CTNNA3: variants seen among roughly 807,000 people sequenced by gnomAD.
The protein encoded by CTNNA3 is catenin alpha-3.
CTNNA3 carries 76 observed loss-of-function variants against 95.7 expected under a neutral mutation model. The ratio of observed to expected loss-of-function variants is 0.79; its 90% CI spans 0.66 to 0.96. CTNNA3 has a LOEUF of 0.96. Ranked by LOEUF, CTNNA3 falls within the 40% of genes least tolerant of loss-of-function variation. CTNNA3 has a pLI of 0.00. For synonymous variants in CTNNA3, 431 were observed against 374.4 expected, an observed-to-expected ratio of 1.15 and a Z score of -1.74; for missense variants, 1,191 against 1,089.8, an observed-to-expected ratio of 1.09 and a Z score of -1.31.
intron 3 of CTNNA3, among the ~76,000 whole-genome samples, chr10:67,570,735 T>C (rs919831557): frequency 1.2e-4 from 19 of 152,192 alleles, no homozygotes; most frequent in Non-Finnish European, 2.2e-4. Flanking sequence ...TTTGACATAG[T>C]TGATTATTTT....
At position 67,152,388 on chromosome 10, in the gene CTNNA3, A is replaced by T. The variant is rs2394325; in HGVS notation, c.1047+27929T>A. Reference sequence around the variant, plus strand: ...GACCTAAAAATTATGTGCCCGTTACACTGGGAGAAAGATAACACCATTGAT... The same window carrying T: ...GACCTAAAAATTATGTGCCCGTTACTCTGGGAGAAAGATAACACCATTGAT... On this transcript the variant is annotated intron_variant, in intron 7 of 17. Coordinates refer to ENST00000433211, the MANE Select transcript of CTNNA3 (RefSeq NM_013266.4). 0.01 allele frequency among the ~76,000 whole-genome samples: 1,524 copies of T among 152,344 alleles called. 72 individuals carry two copies. The East Asian group carries it at 0.14, about 14-fold the overall frequency.
At chr10:65,930,292 A>T (rs1445937452) in intron 17 of CTNNA3, among the ~76,000 whole-genome samples, 1 of 152,072 alleles carries the variant, frequency 6.6e-6, no homozygotes, top group Admixed American at 6.6e-5. Flanking sequence ...TAGGCAACGG[A>T]AAAACTAAGA....
At chr10:67,562,944 A>T (rs1186035961) in intron 3 of CTNNA3, among the ~76,000 whole-genome samples, 1 of 152,140 alleles carries the variant, frequency 6.6e-6, no homozygotes, top group Non-Finnish European at 1.5e-5. Flanking sequence ...GATGTGAAGG[A>T]TCTCTTCAAG....
At chr10:67,207,196 A>G (rs1863941491) in intron 6 of CTNNA3, among the ~76,000 whole-genome samples, 1 of 152,180 alleles carries the variant, frequency 6.6e-6, no homozygotes, top group South Asian at 2.1e-4. Flanking sequence ...ATGGAAATCA[A>G]TTCCATTGAC....
intron 11 of CTNNA3, among the ~76,000 whole-genome samples, chr10:66,514,738 G>A (rs542166318): frequency 6.6e-6 from 1 of 152,032 alleles, no homozygotes. Context: ...ATAAAAGAAA[G>A]GTTGTATTTT....
chr10:66,116,676 T>C (rs1039597024), intron 13 of CTNNA3, among the ~76,000 whole-genome samples: 1 of 152,178 alleles, frequency 6.6e-6, no homozygotes, highest in Non-Finnish European at 1.5e-5. Flanking sequence ...AAGAACTACC[T>C]GAGACTGGGT....
chr10:67,716,329 C>A (rs1424633997), intron 1 of CTNNA3, among the ~76,000 whole-genome samples: 3 of 151,778 alleles, frequency 2.0e-5, no homozygotes, highest in Non-Finnish European at 2.9e-5. Context: ...TAAGTTACAA[C>A]TTTTTTTTAA....
At chr10:66,434,807 G>A (rs1034102957) in intron 11 of CTNNA3, among the ~76,000 whole-genome samples, 3 of 152,078 alleles carry the variant, frequency 2.0e-5, no homozygotes, top group Non-Finnish European at 2.9e-5. Flanking sequence ...TTATTATTTT[G>A]AGATATGTTC....
intron 4 of CTNNA3, among the ~76,000 whole-genome samples, chr10:67,530,349 T>C (rs1025977231): frequency 2.0e-5 from 3 of 152,364 alleles, no homozygotes; most frequent in Admixed American, 6.5e-5. Flanking sequence ...CCCAAAATGC[T>C]GATAAGCATA....
chr10:67,046,975 AGAGGG>A (rs1854792889), intron 7 of CTNNA3, among the ~76,000 whole-genome samples: 3 of 152,204 alleles, frequency 2.0e-5, no homozygotes, highest in Non-Finnish European at 4.4e-5. Context: ...AAGAGGGTAC[AGAGGG>A]TAGAAAAGAA....
At chr10:66,071,767 A>G (rs2080439285) in intron 14 of CTNNA3, among the ~76,000 whole-genome samples, 1 of 152,174 alleles carries the variant, frequency 6.6e-6, no homozygotes, top group Admixed American at 6.6e-5. Flanking sequence ...GATATGCAAG[A>G]ACACACTTTT....
At chr10:67,238,695 C>T (rs1224436727) in intron 5 of CTNNA3, among the ~76,000 whole-genome samples, 2 of 151,760 alleles carry the variant, frequency 1.3e-5, no homozygotes, top group Admixed American at 6.6e-5. Flanking sequence ...AAATCATGAA[C>T]GAACTTGATA....
chr10:67,652,676 G>A (rs1396830623), intron 1 of CTNNA3, among the ~76,000 whole-genome samples: 4 of 151,826 alleles, frequency 2.6e-5, no homozygotes, highest in Non-Finnish European at 4.4e-5. Flanking sequence ...CAGAACATAT[G>A]GATTTATATA....
intron 7 of CTNNA3, among the ~76,000 whole-genome samples, chr10:66,929,565 T>C (rs1053722049): frequency 2.0e-5 from 3 of 152,176 alleles, no homozygotes; most frequent in South Asian, 2.1e-4. Context: ...CACAGCCTCA[T>C]TGAAAAGGAC....
chr10:66,930,694 T>G (rs1323065232), intron 7 of CTNNA3, among the ~76,000 whole-genome samples: 2 of 152,172 alleles, frequency 1.3e-5, no homozygotes, highest in Non-Finnish European at 2.9e-5. Context: ...TTGAAAAGCA[T>G]TCCTAAAATT....
At chr10:67,598,082 G>C (rs1842978319) in intron 3 of CTNNA3, among the ~76,000 whole-genome samples, 1 of 152,126 alleles carries the variant, frequency 6.6e-6, no homozygotes, top group African/African-American at 2.4e-5. Context: ...CCTACAGTTA[G>C]ATAGCCCTGT....
At chr10:67,236,828 C>G (rs1865485096) in intron 5 of CTNNA3, among the ~76,000 whole-genome samples, 1 of 151,500 alleles carries the variant, frequency 6.6e-6, no homozygotes. Context: ...AAATAAAAAA[C>G]AGTAGATGTT....
chr10:67,206,918 G>A (rs1443865539), intron 6 of CTNNA3, among the ~76,000 whole-genome samples: 1 of 152,054 alleles, frequency 6.6e-6, no homozygotes, highest in Non-Finnish European at 1.5e-5. Flanking sequence ...ATTACTTGAG[G>A]TCAGGCGTTC....
chr10:67,417,376 C>T (rs1845583070), intron 5 of CTNNA3, among the ~76,000 whole-genome samples: 1 of 152,068 alleles, frequency 6.6e-6, no homozygotes, highest in Admixed American at 6.6e-5. Context: ...GGGATCTATA[C>T]CCCAAACCTC....
Sources: gnomAD v4.1 joint callset for allele counts (sites outside exome capture counted in the v4.1 genomes callset) on GRCh38, gnomAD v4.1.1 for gene constraint, MANE v1.5 for transcripts, NCBI Gene and HGNC (gene_info 2026-07-23, HGNC 2026-07-21) for gene names.